NOTCH2NLA: variants seen among roughly 807,000 people sequenced by gnomAD.
NOTCH2NLA encodes notch homolog 2 N-terminal-like protein A.
chr1:146,187,448 C>T lies in NOTCH2NLA; in HGVS notation c.38+1852G>A, dbSNP rs587700210. ...TTCTGGTTCTAGATCCTTGAGGAAT[C>T]GCCACACTGAAATTTTTAAAGGAGA... On this transcript the variant is annotated intron_variant, in intron 2 of 4. Transcript: ENST00000362074. 8.9e-5 allele frequency among the ~76,000 whole-genome samples: 12 copies of T among 135,262 alleles called. 3 individuals carry two copies. Among genetic ancestry groups the T allele is most frequent in the Admixed American group, 3.9e-4 (5 of 12,956 alleles). 88.7% of individuals were successfully genotyped at this position (135,262 alleles called of 152,430 possible).
intron 1 of NOTCH2NLA, chr1:146,225,632 G>GT (rs1403458788): frequency 6.7e-5 from 1 of 15,024 alleles, no homozygotes; most frequent in Admixed American, 8.9e-4. Flanking sequence ...ACACCTGAAG[G>GT]TAAAAAAAAA....
intron 3 of NOTCH2NLA, among the ~76,000 whole-genome samples, chr1:146,159,995 A>AT (rs1661423611): frequency 1.5e-5 from 2 of 130,452 alleles, no homozygotes; most frequent in African/African-American, 5.6e-5. Flanking sequence ...AAAAAAAAAA[A>AT]GGTGATCAGA....
chr1:146,180,409 T>A (rs1662489151), intron 2 of NOTCH2NLA, among the ~76,000 whole-genome samples: 1 of 141,366 alleles, frequency 7.1e-6, no homozygotes, highest in East Asian at 2.0e-4. Context: ...AAAGATCAAG[T>A]AGAAGACTGT....
Position 146,174,799 on chromosome 1 carries a change from A to C in NOTCH2NLA, c.39-9789T>G, listed in dbSNP as rs1351183857. ...GAGCTGTCGTTAAGGTAAATGAGGT[A>C]AGGGCAGGGGAAAAAACTAACAAAA... On this transcript the variant is annotated intron_variant, in intron 2 of 4. Coordinates refer to ENST00000362074, the Ensembl canonical transcript of NOTCH2NLA. 2.9e-5 allele frequency among the ~76,000 whole-genome samples: 4 copies of C among 140,014 alleles called. No homozygotes were observed. In the South Asian group the frequency reaches 6.6e-4, roughly 23 times the overall value. 91.9% of individuals were successfully genotyped at this position (140,014 alleles called of 152,430 possible). A position where few individuals can be genotyped will look rare whatever the true frequency, so the allele number is the denominator to read the frequency against.
Position 146,200,434 on chromosome 1 carries a change from AAAAAAT to A in NOTCH2NLA, c.-44-11059_-44-11054del, listed in dbSNP as rs1254363400. On this transcript the variant is annotated intron_variant, in intron 1 of 4. Coordinates refer to ENST00000362074, the Ensembl canonical transcript of NOTCH2NLA. ...CAAGACTCTGCCTGAGAAAAAAAAA[AAAAAAT>A]ATATATATATATATATATTCCTGAA... Among the ~76,000 whole-genome samples the A allele has an allele frequency of 3.1e-4, 7 of 22,676 alleles. 2 individuals are homozygous for A. In the Middle Eastern group the frequency reaches 0.034, roughly 110 times the overall value. 14.9% of individuals were successfully genotyped at this position (22,676 alleles called of 152,430 possible).
chr1:146,228,074 C>T (rs1349791454), intron 1 of NOTCH2NLA, among the ~76,000 whole-genome samples: 9 of 134,044 alleles, frequency 6.7e-5, no homozygotes, highest in African/African-American at 2.4e-4. Flanking sequence ...CTTCTCCTGC[C>T]TCCACCTTTC....
intron 2 of NOTCH2NLA, among the ~76,000 whole-genome samples, chr1:146,180,485 G>A (rs1250615298): frequency 1.4e-5 from 2 of 142,082 alleles, no homozygotes; most frequent in South Asian, 2.1e-4. Flanking sequence ...GGCTGATGGA[G>A]TCTAAGAATT....
chr1:146,157,265 C>T (rs587653900), intron 3 of NOTCH2NLA, among the ~76,000 whole-genome samples: 3 of 151,190 alleles, frequency 2.0e-5, no homozygotes, highest in Admixed American at 6.6e-5. Flanking sequence ...AAGACCAGCC[C>T]GGCCAATATG....
intron 2 of NOTCH2NLA, among the ~76,000 whole-genome samples, chr1:146,185,579 T>C (rs1662718351): frequency 7.4e-6 from 1 of 135,724 alleles, no homozygotes; most frequent in South Asian, 2.3e-4. Flanking sequence ...AAAGTAGTTA[T>C]CTTCATCTGT....
At chr1:146,188,156 C>CA (rs1162681941) in intron 2 of NOTCH2NLA, among the ~76,000 whole-genome samples, 3 of 118,354 alleles carry the variant, frequency 2.5e-5, no homozygotes, top group Non-Finnish European at 5.9e-5. Flanking sequence ...CAAGTACCTC[C>CA]ACCAAAGCAA....
At chr1:146,158,349 T>C (rs587733670) in intron 3 of NOTCH2NLA, among the ~76,000 whole-genome samples, 1 of 150,180 alleles carries the variant, frequency 6.7e-6, no homozygotes, top group Admixed American at 6.6e-5. Flanking sequence ...CGGTTTGTGA[T>C]GTTCCCCTTC....
At chr1:146,176,893 T>C (rs1662287591) in intron 2 of NOTCH2NLA, among the ~76,000 whole-genome samples, 1 of 98,090 alleles carries the variant, frequency 1.0e-5, no homozygotes, top group African/African-American at 3.3e-5. Flanking sequence ...CCTAACACAA[T>C]GACTGGCATA....
At chr1:146,186,430 C>T (rs1427362886) in intron 2 of NOTCH2NLA, among the ~76,000 whole-genome samples, 1 of 144,194 alleles carries the variant, frequency 6.9e-6, no homozygotes, top group African/African-American at 2.5e-5. Flanking sequence ...TCTTGGCTCA[C>T]TGCAAGCTCC....
chr1:146,185,246 G>A (rs1553810060), intron 2 of NOTCH2NLA, among the ~76,000 whole-genome samples: 3 of 135,256 alleles, frequency 2.2e-5, no homozygotes, highest in Non-Finnish European at 5.1e-5. Flanking sequence ...AGTTGTCCAT[G>A]ATCTTTAATC....
chr1:146,158,779 G>A (rs1229319192), intron 3 of NOTCH2NLA, among the ~76,000 whole-genome samples: 2 of 151,002 alleles, frequency 1.3e-5, no homozygotes, highest in African/African-American at 4.9e-5. Context: ...GTAAATGGGA[G>A]ACACAAGAGT....
intron 2 of NOTCH2NLA, among the ~76,000 whole-genome samples, chr1:146,172,831 G>C (rs1553807301): frequency 6.9e-6 from 1 of 145,136 alleles, no homozygotes; most frequent in Admixed American, 7.0e-5. Context: ...ACCCTGTCTT[G>C]AACCCTTGGT....
At chr1:146,180,694 C>T (rs1484637223) in intron 2 of NOTCH2NLA, among the ~76,000 whole-genome samples, 1 of 142,964 alleles carries the variant, frequency 7.0e-6, no homozygotes, top group African/African-American at 2.4e-5. Flanking sequence ...TGCATACACA[C>T]ATATGACAGG....
chr1:146,159,133 A>C (rs1430751540), intron 3 of NOTCH2NLA, among the ~76,000 whole-genome samples: 4 of 151,974 alleles, frequency 2.6e-5, no homozygotes, highest in Admixed American at 2.6e-4. Flanking sequence ...TGAGGTGGGC[A>C]GATCACTTGT....
exon 1 of NOTCH2NLA, chr1:146,228,813 G>T: frequency 1.1e-6 from 1 of 942,404 alleles, no homozygotes; most frequent in Non-Finnish European, 1.5e-6. Flanking sequence ...CGCCGCCGCC[G>T]CGGCCGCCTG....
Sources: allele counts gnomAD v4.1 joint callset (sites outside exome capture counted in the v4.1 genomes callset), GRCh38; gene constraint gnomAD v4.1.1; transcripts MANE v1.5; gene names NCBI Gene and HGNC (gene_info 2026-07-23, HGNC 2026-07-21).